FNDC3B: variants seen among roughly 807,000 people sequenced by gnomAD.
The protein encoded by FNDC3B is fibronectin type III domain containing 3B.
Under a neutral mutation model 151.5 loss-of-function variants are expected in FNDC3B, and 12 were observed. The ratio of observed to expected loss-of-function variants is 0.08; its 90% CI spans 0.05 to 0.13. The LOEUF (loss-of-function observed/expected upper bound fraction) is 0.13, where lower values mean the gene tolerates loss of function less well. FNDC3B is among the 10% of genes least tolerant of loss of function. The pLI, the probability that FNDC3B is intolerant of heterozygous loss-of-function variation, is 1.00. For missense variants in FNDC3B, 1,214 were observed against 1,505.3 expected (o/e 0.81, Z 3.20); for synonymous variants, 528 against 549.0 (o/e 0.96, Z 0.54).
rs540348285 is a variant in FNDC3B, at chr3:172,282,021, A to C, written c.791-3905A>C. On this transcript the variant is annotated intron_variant, in intron 6 of 25. Transcript: ENST00000415807. Reference sequence around the variant, plus strand: ...AAACTGTTTTATGGAAAGAGTGGTCATTCAGTGTACTTCGAGGCACGCTTA... The same window carrying C: ...AAACTGTTTTATGGAAAGAGTGGTCCTTCAGTGTACTTCGAGGCACGCTTA... Among the ~76,000 whole-genome samples the C allele has an allele frequency of 2.6e-5, 4 of 152,272 alleles. No homozygotes were observed. In the South Asian group the frequency reaches 8.3e-4, roughly 32 times the overall value.
intron 11 of FNDC3B, among the ~76,000 whole-genome samples, chr3:172,314,714 C>T (rs1393522036): frequency 6.6e-6 from 1 of 152,212 alleles, no homozygotes; most frequent in Non-Finnish European, 1.5e-5. Flanking sequence ...AGAGCAGCAG[C>T]CTTTATTTCT....
At chr3:172,219,242 A>G (rs943374756) in intron 3 of FNDC3B, among the ~76,000 whole-genome samples, 2 of 152,132 alleles carry the variant, frequency 1.3e-5, no homozygotes, top group East Asian at 1.9e-4. Flanking sequence ...TTATTTGTTT[A>G]TATGTCTGTA....
chr3:172,342,073 GGTTGAC>G (rs1733352079), intron 17 of FNDC3B, among the ~76,000 whole-genome samples: 1 of 152,174 alleles, frequency 6.6e-6, no homozygotes, highest in Non-Finnish European at 1.5e-5. Context: ...CCCTGTGCTG[GGTTGAC>G]TTTTCAAGAG....
intron 23 of FNDC3B, among the ~76,000 whole-genome samples, chr3:172,370,238 T>C (rs1276620738): frequency 6.6e-6 from 1 of 152,246 alleles, no homozygotes; most frequent in African/African-American, 2.4e-5. Flanking sequence ...AGTTAGAGCA[T>C]TCTTGGATTT....
intron 1 of FNDC3B, among the ~76,000 whole-genome samples, chr3:172,107,536 C>T (rs1378406882): frequency 6.6e-6 from 1 of 152,110 alleles, no homozygotes; most frequent in African/African-American, 2.4e-5. Context: ...TAGATTTGGC[C>T]AGCTCAGATA....
chr3:172,077,480 C>T (rs541731768), intron 1 of FNDC3B, among the ~76,000 whole-genome samples: 2 of 152,314 alleles, frequency 1.3e-5, no homozygotes, highest in Non-Finnish European at 2.9e-5. Context: ...AGGCCTCTTC[C>T]TTTACTTTAT....
At chr3:172,360,118 G>GGAGA (rs1470848789) in intron 22 of FNDC3B, among the ~76,000 whole-genome samples, 9 of 152,160 alleles carry the variant, frequency 5.9e-5, no homozygotes, top group Non-Finnish European at 1.0e-4. Flanking sequence ...TAGTGAAATA[G>GGAGA]GAGAGTTCCA....
intron 3 of FNDC3B, among the ~76,000 whole-genome samples, chr3:172,141,128 A>G (rs1183285907): frequency 7.3e-6 from 1 of 136,344 alleles, no homozygotes. Flanking sequence ...AGTTGTATAC[A>G]CAGCTTTACT....
chr3:172,263,030 T>G (rs1458337595), intron 6 of FNDC3B, among the ~76,000 whole-genome samples: 1 of 150,294 alleles, frequency 6.7e-6, no homozygotes, highest in Non-Finnish European at 1.5e-5. Context: ...TTATTTCAAG[T>G]CCTCTTAAAA....
At chr3:172,162,635 C>T (rs2108620157) in intron 3 of FNDC3B, among the ~76,000 whole-genome samples, 1 of 146,356 alleles carries the variant, frequency 6.8e-6, no homozygotes, top group East Asian at 2.0e-4. Context: ...TCTTCACATT[C>T]TTGTCAACAC....
At chr3:172,232,963 A>G (rs1280631383) in intron 4 of FNDC3B, among the ~76,000 whole-genome samples, 1 of 152,230 alleles carries the variant, frequency 6.6e-6, no homozygotes, top group East Asian at 1.9e-4. Flanking sequence ...TTCCAATGGA[A>G]GTTTGGCAGA....
chr3:172,111,392 C>T (rs1291112989), intron 1 of FNDC3B, among the ~76,000 whole-genome samples: 2 of 152,150 alleles, frequency 1.3e-5, no homozygotes, highest in Non-Finnish European at 2.9e-5. Flanking sequence ...GTAATTGCCT[C>T]ATAAAACAGC....
intron 9 of FNDC3B, among the ~76,000 whole-genome samples, chr3:172,305,652 G>A (rs998596809): frequency 6.6e-6 from 1 of 152,076 alleles, no homozygotes; most frequent in African/African-American, 2.4e-5. Context: ...TTAATTCATA[G>A]GTGGCTCTAA....
At chr3:172,229,135 AC>A (rs1361913292) in intron 4 of FNDC3B, among the ~76,000 whole-genome samples, 883 of 77,646 alleles carry the variant, frequency 0.011, 9 homozygotes, top group South Asian at 0.037. Flanking sequence ...ACACACACAC[AC>A]AATCTCCTGC....
rs16856906 is a variant in FNDC3B at position 172,082,149 on chromosome 3, A to G, written c.-28-30303A>G. Among the ~76,000 whole-genome samples, 1,088 of 152,356 alleles carry G rather than the reference A, an allele frequency of 7.1e-3. 14 individuals are homozygous for G. The highest frequency in any genetic ancestry group is 0.024 in the African/African-American group (994 of 41,580). ...CATTAAGGTGGCAGGAAATAAGGAT[A>G]TAGTTTTGGCATTTGAATTCTTTTG... On this transcript the variant is annotated intron_variant, in intron 1 of 25. Transcript: ENST00000415807.
At chr3:172,143,734 C>G (rs533124152) in intron 3 of FNDC3B, among the ~76,000 whole-genome samples, 1 of 151,808 alleles carries the variant, frequency 6.6e-6, no homozygotes, top group Admixed American at 6.6e-5. Context: ...CATGGTGAAA[C>G]CTTGTCTCAA....
chr3:172,360,880 T>C (rs1734322335), intron 22 of FNDC3B, among the ~76,000 whole-genome samples: 1 of 152,230 alleles, frequency 6.6e-6, no homozygotes, highest in African/African-American at 2.4e-5. Flanking sequence ...TCAAACTTTA[T>C]TCTTATTTTT....
intron 9 of FNDC3B, among the ~76,000 whole-genome samples, chr3:172,306,683 G>T (rs1471523120): frequency 6.6e-6 from 1 of 152,154 alleles, no homozygotes; most frequent in African/African-American, 2.4e-5. Context: ...TGGCTTCTCT[G>T]GAGAAATCAA....
intron 3 of FNDC3B, among the ~76,000 whole-genome samples, chr3:172,191,971 G>A (rs758700761): frequency 1.3e-5 from 2 of 152,034 alleles, no homozygotes; most frequent in African/African-American, 2.4e-5. Flanking sequence ...AAGTGTGGTC[G>A]GGGTGGTACA....
Sources: allele counts gnomAD v4.1 joint callset (sites outside exome capture counted in the v4.1 genomes callset), GRCh38; gene constraint gnomAD v4.1.1; transcripts MANE v1.5; gene names NCBI Gene and HGNC (gene_info 2026-07-23, HGNC 2026-07-21).